Variants in ZNF475 observed in about 807,000 individuals in gnomAD.
The protein encoded by ZNF475 is zinc finger protein 475.
chr5:122,181,833 G>T, the ZNF475 span, among the ~76,000 whole-genome samples: 1 of 152,054 alleles, frequency 6.6e-6, no homozygotes, highest in African/African-American at 2.4e-5. Context: ...CCTATGCTCT[G>T]CCAATGAAGG....
chr5:122,160,224 G>A, the ZNF475 span: 1 of 1,289,658 alleles, frequency 7.8e-7, no homozygotes, highest in South Asian at 1.2e-5. Context: ...AGCATTCTAT[G>A]ATCCCATGGC....
chr5:122,182,631 G>A, the ZNF475 span: 1 of 1,534,790 alleles, frequency 6.5e-7, no homozygotes. Flanking sequence ...TAAACCCAAA[G>A]CCGCCAAGTA....
At chr5:122,162,488 T>C in the ZNF475 span, 13 of 152,120 alleles carry the variant, frequency 8.5e-5, no homozygotes, top group Non-Finnish European at 1.2e-4. Flanking sequence ...TTTACTCCCA[T>C]ACATTAAAAT....
the ZNF475 span, among the ~76,000 whole-genome samples, chr5:122,178,030 TG>T: frequency 6.6e-6 from 1 of 152,158 alleles, no homozygotes; most frequent in East Asian, 1.9e-4. Context: ...TTGCTGACAA[TG>T]GTGGTTTCCA....
chr5:122,164,576 G>A, the ZNF475 span, among the ~76,000 whole-genome samples: 1 of 152,112 alleles, frequency 6.6e-6, no homozygotes, highest in Non-Finnish European at 1.5e-5. Flanking sequence ...CTTCATACCT[G>A]AGCATAGGGT....
chr5:122,166,063 C>T, the ZNF475 span, among the ~76,000 whole-genome samples: 1 of 152,156 alleles, frequency 6.6e-6, no homozygotes, highest in Non-Finnish European at 1.5e-5. Context: ...TGTTCTTGTG[C>T]CCTTCTAGAG....
chr5:122,171,799 C>A, the ZNF475 span, among the ~76,000 whole-genome samples: 1 of 151,432 alleles, frequency 6.6e-6, no homozygotes. Context: ...AGTGCAGTGG[C>A]ACGATCACAG....
At chr5:122,178,975 T>A in the ZNF475 span, among the ~76,000 whole-genome samples, 1 of 152,216 alleles carries the variant, frequency 6.6e-6, no homozygotes, top group South Asian at 2.1e-4. Context: ...TTTCCCAATA[T>A]CATTTATTGA....
chr5:122,181,133 C>T, the ZNF475 span, among the ~76,000 whole-genome samples: 1 of 152,182 alleles, frequency 6.6e-6, no homozygotes, highest in East Asian at 1.9e-4. Context: ...CCTATAACTG[C>T]ACTTCCCTGC....
chr5:122,181,615 C>G, the ZNF475 span, among the ~76,000 whole-genome samples: 1 of 152,134 alleles, frequency 6.6e-6, no homozygotes. Flanking sequence ...TGAGAATTGC[C>G]TAAGCTTTAA....
At chr5:122,179,291 G>A in the ZNF475 span, among the ~76,000 whole-genome samples, 5 of 152,152 alleles carry the variant, frequency 3.3e-5, no homozygotes, top group African/African-American at 1.2e-4. Context: ...GTCAATGGTA[G>A]CTTGATGGGG....
the ZNF475 span, among the ~76,000 whole-genome samples, chr5:122,176,341 A>T: frequency 6.6e-5 from 10 of 152,066 alleles, no homozygotes; most frequent in African/African-American, 1.9e-4. Context: ...TGAATACTGA[A>T]TTTGCAGGCC....
the ZNF475 span, among the ~76,000 whole-genome samples, chr5:122,181,194 C>T: frequency 1.3e-5 from 2 of 152,112 alleles, no homozygotes; most frequent in Admixed American, 6.6e-5. Flanking sequence ...CCCTTCCTCT[C>T]TAGGTAAAAA....
chr5:122,179,055 G>A, the ZNF475 span, among the ~76,000 whole-genome samples: 1 of 152,096 alleles, frequency 6.6e-6, no homozygotes, highest in South Asian at 2.1e-4. Flanking sequence ...GTAGATGTGT[G>A]GCATTATTTC....
the ZNF475 span, chr5:122,179,643 CT>C: frequency 4.7e-4 from 717 of 1,533,942 alleles, 6 homozygotes; most frequent in African/African-American, 8.0e-3. Flanking sequence ...GCCACAATGT[CT>C]GAAAAAATGG....
At chr5:122,173,758 A>G in the ZNF475 span, among the ~76,000 whole-genome samples, 6 of 152,258 alleles carry the variant, frequency 3.9e-5, no homozygotes, top group African/African-American at 1.4e-4. Context: ...CAACTTTCCC[A>G]GGAAACTGAG....
the ZNF475 span, among the ~76,000 whole-genome samples, chr5:122,177,143 A>T: frequency 6.6e-6 from 1 of 152,168 alleles, no homozygotes; most frequent in East Asian, 1.9e-4. Context: ...CTTCTGGAAG[A>T]CTATATGGAA....
the ZNF475 span, among the ~76,000 whole-genome samples, chr5:122,168,605 C>G: frequency 6.6e-6 from 1 of 152,168 alleles, no homozygotes; most frequent in Non-Finnish European, 1.5e-5. Context: ...CCCAGCTGCT[C>G]CAGAGGCTGA....
At chr5:122,179,659 A>T in the ZNF475 span, 3 of 1,535,202 alleles carry the variant, frequency 2.0e-6, no homozygotes, top group South Asian at 3.6e-5. Context: ...AAATGGCATA[A>T]TGAAAACAAC....
Sources: allele counts gnomAD v4.1 joint callset (sites outside exome capture counted in the v4.1 genomes callset), GRCh38; gene constraint gnomAD v4.1.1; transcripts MANE v1.5; gene names NCBI Gene and HGNC (gene_info 2026-07-23, HGNC 2026-07-21).